Variants in EHD1 observed in about 807,000 individuals in gnomAD.
The protein encoded by EHD1 is EH domain containing 1, also known as EH domain-containing protein 1.
A neutral mutation model predicts 39.0 loss-of-function variants in EHD1; 19 were observed. The observed-to-expected ratio is 0.49, with a 90% confidence interval of 0.34 to 0.72. EHD1 has a LOEUF of 0.72. EHD1 is among the 30% of genes least tolerant of loss of function. The probability of loss-of-function intolerance (pLI) is 0.01; values close to 1 mark genes in which losing one functional copy is unlikely to be tolerated. For synonymous variants in EHD1, 323 were observed against 331.2 expected (o/e 0.98, Z 0.27); for missense variants, 542 against 751.5 (o/e 0.72, Z 3.26).
In EHD1 at chr11:64,859,934, C is replaced by T. The variant is rs1943694344; in HGVS notation, c.905G>A (p.Arg302Gln). The change falls in exon 3 of 5, where the codon CGG (arginine) becomes CAG (glutamine). Residue 302 changes from arginine (R) to glutamine (Q), a missense_variant. Physicochemically the swap from Arg to Gln is conservative, Grantham distance 43. Coordinates refer to ENST00000320631, the MANE Select transcript of EHD1 (RefSeq NM_006795.4). ...CACCCCAGGGTCTACCTTGGCCAGCCGTGCCCGCTTGATCAGGTCATTGAG... is the reference window on the plus strand; with the variant it reads ...CACCCCAGGGTCTACCTTGGCCAGCTGTGCCCGCTTGATCAGGTCATTGAG... ...RKLNDLIKRARLAKVHAYIIS... is the reference protein window; with the variant it reads ...RKLNDLIKRAQLAKVHAYIIS... The T allele has an allele frequency of 6.2e-6, 10 of 1,611,450 alleles. No homozygotes were observed. Among genetic ancestry groups the T allele is most frequent in the East Asian group, 4.5e-5 (2 of 44,832 alleles).
chr11:64,876,111 C>T (rs1943882994), intron 1 of EHD1, among the ~76,000 whole-genome samples: 1 of 152,204 alleles, frequency 6.6e-6, no homozygotes, highest in African/African-American at 2.4e-5. Context: ...GCACAAGTGG[C>T]AGTCCCAGTT....
chr11:64,869,827 G>T (rs1445586203), intron 2 of EHD1, among the ~76,000 whole-genome samples: 1 of 152,236 alleles, frequency 6.6e-6, no homozygotes, highest in Admixed American at 6.5e-5. Flanking sequence ...CAGCCTGGGG[G>T]TGCTGCTGGC....
intron 2 of EHD1, among the ~76,000 whole-genome samples, chr11:64,871,501 C>T (rs1943830733): frequency 6.6e-6 from 1 of 152,232 alleles, no homozygotes. Context: ...TTTCTCCTGA[C>T]AATAAAACAC....
At chr11:64,878,036 GC>G in intron 1 of EHD1, 24 bp downstream of exon 1, 3 of 1,481,188 alleles carry the variant, frequency 2.0e-6, no homozygotes, top group Non-Finnish European at 2.7e-6. Context: ...CGCGCCCCCC[GC>G]CCCCTGGAGT....
chr11:64,858,167 C>A (rs112938802), intron 3 of EHD1, among the ~76,000 whole-genome samples: 218 of 148,068 alleles, frequency 1.5e-3, no homozygotes, highest in African/African-American at 4.9e-3. Context: ...AGCCACCATG[C>A]CTGGCCAGAG....
In EHD1 at chr11:64,868,823, C is replaced by T. The variant is rs932220516; in HGVS notation, c.502+5598G>A. Among the ~76,000 whole-genome samples the T allele has an allele frequency of 1.2e-4, 19 of 152,166 alleles. No homozygotes were observed. The highest frequency in any genetic ancestry group is 1.5e-4 in the Non-Finnish European group (10 of 68,006). On this transcript the variant is annotated intron_variant, in intron 2 of 4. Coordinates refer to ENST00000320631, the MANE Select transcript of EHD1 (RefSeq NM_006795.4). The surrounding 1 kb of genome is among the most constrained non-coding windows in gnomAD (Gnocchi z 4.2). ...TCAGACAGAAGCAACAAAAGAGGGG[C>T]GGGAGGGGGCAGAGGAACTCTGGAA... is the stretch of plus-strand genomic sequence containing the variant.
At chr11:64,879,463 T>G, upstream of EHD1, 1 of 1,284,806 alleles carries the variant, frequency 7.8e-7, no homozygotes, top group Non-Finnish European at 1.1e-6. Flanking sequence ...GGAAATTCCC[T>G]ATGTGGGGAA....
intron 2 of EHD1, among the ~76,000 whole-genome samples, chr11:64,867,676 C>A (rs1403477781): frequency 6.6e-6 from 1 of 152,142 alleles, no homozygotes; most frequent in Admixed American, 6.5e-5. Flanking sequence ...CGAGATTGAT[C>A]GTGCCACTGT....
intron 3 of EHD1, chr11:64,859,593 T>C (rs1943690452): frequency 3.4e-6 from 1 of 297,252 alleles, no homozygotes; most frequent in South Asian, 6.0e-5. Flanking sequence ...CAACACTCCA[T>C]TTCTGAGGCT....
chr11:64,871,237 C>T (rs1943827104), intron 2 of EHD1, among the ~76,000 whole-genome samples: 1 of 152,220 alleles, frequency 6.6e-6, no homozygotes, highest in Non-Finnish European at 1.5e-5. Flanking sequence ...CTGGTGCGTG[C>T]TCTGCCGGCC....
intron 2 of EHD1, among the ~76,000 whole-genome samples, chr11:64,869,745 C>G (rs1943807679): frequency 6.6e-6 from 1 of 152,222 alleles, no homozygotes; most frequent in Non-Finnish European, 1.5e-5. Context: ...GACACAGCAC[C>G]TGGCCTGGCT....
At chr11:64,879,295 A>C, upstream of EHD1, 17 of 871,878 alleles carry the variant, frequency 1.9e-5, no homozygotes, top group East Asian at 1.5e-4. Flanking sequence ...CGGGGTGGGA[A>C]TGGGAGAGGG....
intron 2 of EHD1, among the ~76,000 whole-genome samples, chr11:64,860,845 C>A (rs2136482315): frequency 6.6e-6 from 1 of 152,050 alleles, no homozygotes; most frequent in South Asian, 2.1e-4. Flanking sequence ...CATAGTGAAG[C>A]CCTGTCTCTA....
rs780068429 is a variant in EHD1, at chr11:64,854,898, C to A, written c.1081-41G>T. 4 of 1,579,790 alleles carry A rather than the reference C, an allele frequency of 2.5e-6. No individual in the cohort carries two copies. The African/African-American group carries it at 4.0e-5, about 16-fold the overall frequency. Reference sequence around the variant, plus strand: ...GAAGGACAAGGGCTGGGAAGGGAGGCCCCTCCCAGACTCCAGGCCAAGTGG... The same window carrying A: ...GAAGGACAAGGGCTGGGAAGGGAGGACCCTCCCAGACTCCAGGCCAAGTGG... On this transcript the variant is annotated intron_variant, in intron 4 of 4. Coordinates refer to ENST00000320631, the MANE Select transcript of EHD1 (RefSeq NM_006795.4).
chr11:64,870,823 GA>G (rs1364863427), intron 2 of EHD1, among the ~76,000 whole-genome samples: 1 of 152,226 alleles, frequency 6.6e-6, no homozygotes, highest in African/African-American at 2.4e-5. Context: ...CAGCACTCAA[GA>G]ATGAACGCAG....
chr11:64,878,261 G>A lies in EHD1; in HGVS notation c.204C>T (p.Ser68=), dbSNP rs772874370. The A allele has an allele frequency of 3.7e-6, 6 of 1,614,152 alleles. No homozygotes were observed. Among genetic ancestry groups the A allele is most frequent in the African/African-American group, 1.3e-5 (1 of 75,048 alleles). Residue 68 remains serine, a synonymous_variant, in exon 1 of 5, where the codon AGC becomes AGT. Transcript: ENST00000320631. ...KPMVLLVGQY[S]TGKTTFIRHL... is the part of the protein sequence containing the mutation. ...GTCGGATGAAGGTGGTCTTGCCCGT[G>A]CTGTACTGCCCCACGAGGAGCACCA...
chr11:64,878,666 A>C (rs1025696966), upstream of EHD1: 2 of 1,313,464 alleles, frequency 1.5e-6, no homozygotes, highest in Non-Finnish European at 9.7e-7. Flanking sequence ...TCGGTCCCTC[A>C]GTGGCGGCTA....
At chr11:64,854,954 C>G in intron 4 of EHD1, 97 bp from the exon 5 acceptor site, 3 of 1,463,572 alleles carry the variant, frequency 2.0e-6, no homozygotes, top group Non-Finnish European at 2.8e-6. Flanking sequence ...GCATAAAGTG[C>G]TGCTCCCCCA....
In EHD1 at chr11:64,860,079, T is replaced by C. The variant is rs1256112036; in HGVS notation, c.760A>G (p.Ile254Val). 23 of 1,613,998 alleles carry C rather than the reference T, an allele frequency of 1.4e-5. No individual in the cohort carries two copies. Among genetic ancestry groups the C allele is most frequent in the Non-Finnish European group, 1.8e-5 (21 of 1,180,024 alleles). The change falls in exon 3 of 5, where the codon ATC becomes GTC. Residue 254 changes from isoleucine (I) to valine (V), a missense_variant. Coordinates refer to ENST00000320631, the MANE Select transcript of EHD1 (RefSeq NM_006795.4). ...INTPEVVRVY[I>V]GSFWSHPLLI... ...AGCGGGTGGGACCAGAAGGAGCCGA[T>C]GTAGACCCTGACCACCTCGGGGGTG...
Sources: gnomAD v4.1 joint callset for allele counts (sites outside exome capture counted in the v4.1 genomes callset) on GRCh38, gnomAD v4.1.1 for gene constraint, Gnocchi (gnomAD v3.1) non-coding constraint, MANE v1.5 for transcripts, NCBI Gene and HGNC (gene_info 2026-07-23, HGNC 2026-07-21) for gene names.